UGT8: variants seen among roughly 807,000 people sequenced by gnomAD.
The protein encoded by UGT8 is 2-hydroxyacylsphingosine 1-beta-galactosyltransferase.
In UGT8, 12 loss-of-function variants were observed where a neutral mutation model predicts 40.5. That is an observed-to-expected ratio of 0.30 (90% CI 0.19 to 0.48). The LOEUF (loss-of-function observed/expected upper bound fraction) is 0.48, where lower values mean the gene tolerates loss of function less well. Among genes scored for constraint, UGT8 ranks in the 20% least tolerant of loss-of-function variants. The probability of loss-of-function intolerance (pLI) is 0.99; values close to 1 mark genes in which losing one functional copy is unlikely to be tolerated. For missense variants in UGT8, 513 were observed against 648.7 expected, an observed-to-expected ratio of 0.79 and a Z score of 2.27; for synonymous variants, 224 against 240.4, an observed-to-expected ratio of 0.93 and a Z score of 0.63.
chr4:114,639,001 A>G (rs938216925), intron 2 of UGT8, among the ~76,000 whole-genome samples: 3 of 152,340 alleles, frequency 2.0e-5, no homozygotes, highest in East Asian at 3.9e-4. Context: ...GGCTTATTCT[A>G]TTACTTATTG....
At chr4:114,661,192 A>T (rs1734510224) in intron 2 of UGT8, among the ~76,000 whole-genome samples, 1 of 152,136 alleles carries the variant, frequency 6.6e-6, no homozygotes, top group Non-Finnish European at 1.5e-5. Context: ...AAAATTTGGT[A>T]TTTGACCAGG....
intron 2 of UGT8, among the ~76,000 whole-genome samples, chr4:114,643,067 T>A (rs1240950203): frequency 3.3e-5 from 5 of 152,166 alleles, no homozygotes; most frequent in Non-Finnish European, 7.4e-5. Flanking sequence ...TTTTAGTTTG[T>A]ATAATTGTAG....
chr4:114,648,941 C>A (rs1733739070), intron 2 of UGT8, among the ~76,000 whole-genome samples: 1 of 152,128 alleles, frequency 6.6e-6, no homozygotes, highest in African/African-American at 2.4e-5. Context: ...GGATGGAGGG[C>A]ACTGGACTAG....
chr4:114,620,150 A>G (rs1392197287), intron 1 of UGT8, among the ~76,000 whole-genome samples: 1 of 152,152 alleles, frequency 6.6e-6, no homozygotes, highest in Non-Finnish European at 1.5e-5. Flanking sequence ...GTTCTCTATG[A>G]TCATTTTTGT....
intron 2 of UGT8, among the ~76,000 whole-genome samples, chr4:114,634,138 C>A (rs1045372133): frequency 3.3e-5 from 5 of 151,954 alleles, no homozygotes; most frequent in African/African-American, 9.7e-5. Context: ...GAGTGATGGG[C>A]GGTTCTAAAA....
chr4:114,651,830 T>G (rs1733910990), intron 2 of UGT8, among the ~76,000 whole-genome samples: 1 of 152,130 alleles, frequency 6.6e-6, no homozygotes, highest in Non-Finnish European at 1.5e-5. Flanking sequence ...CTGAAAAGAT[T>G]TACAAATGAG....
intron 2 of UGT8, among the ~76,000 whole-genome samples, chr4:114,628,899 C>T (rs994159593): frequency 2.0e-5 from 3 of 150,556 alleles, no homozygotes; most frequent in African/African-American, 4.9e-5. Context: ...TTAGATTAGC[C>T]ACTTGTGAGC....
In UGT8 at chr4:114,647,356, T is replaced by TTGTGTGTGTG. The variant is rs34575248; in HGVS notation, c.823-16611_823-16602dup. 3.5e-3 allele frequency among the ~76,000 whole-genome samples: 498 copies of TTGTGTGTGTG among 143,282 alleles called. 2 individuals are homozygous for TTGTGTGTGTG. Among genetic ancestry groups the TTGTGTGTGTG allele is most frequent in the South Asian group, 5.7e-3 (25 of 4,352 alleles). The allele number at this position is 143,282 out of a possible 152,430, so 94.0% of individuals were successfully genotyped here. On this transcript the variant is annotated intron_variant, in intron 2 of 5. Coordinates refer to ENST00000310836, the MANE Select transcript of UGT8 (RefSeq NM_001128174.3). ...AAACAATTTACATGAATTAGCTCTT[T>TTGTGTGTGTG]TGTGTGTGTGTGTGTGTGTGTGTGT...
intron 2 of UGT8, among the ~76,000 whole-genome samples, chr4:114,659,430 G>A (rs1734384233): frequency 6.6e-6 from 1 of 152,216 alleles, no homozygotes; most frequent in African/African-American, 2.4e-5. Context: ...GAGTGCCTAT[G>A]AGTGTTGCTG....
chr4:114,676,419 GA>G lies in UGT8; in HGVS notation c.*134del. 1 of 747,666 alleles carries G rather than the reference GA, an allele frequency of 1.3e-6. No individual in the cohort carries two copies. Among genetic ancestry groups the G allele is most frequent in the East Asian group, 2.7e-5 (1 of 37,526 alleles). The allele number at this position is 747,666 out of a possible 1,614,324, so 46.3% of individuals were successfully genotyped here. ...ACATGCCCTTATGAGATCTACTAAT[GA>G]AATTCTGTGGAATTAAGATGGCTGT... On this transcript the variant is annotated 3_prime_UTR_variant, in exon 6 of 6. Coordinates refer to ENST00000310836, the MANE Select transcript of UGT8 (RefSeq NM_001128174.3).
chr4:114,646,067 T>G (rs949520492), intron 2 of UGT8, among the ~76,000 whole-genome samples: 2 of 152,200 alleles, frequency 1.3e-5, no homozygotes, highest in Non-Finnish European at 2.9e-5. Context: ...ATCTATTTAT[T>G]GATCTTTCAA....
chr4:114,607,231 G>A (rs1730788736), intron 1 of UGT8, among the ~76,000 whole-genome samples: 1 of 152,158 alleles, frequency 6.6e-6, no homozygotes, highest in South Asian at 2.1e-4. Context: ...AATCCAGTCT[G>A]GGGAATTTGA....
intron 1 of UGT8, among the ~76,000 whole-genome samples, chr4:114,606,182 A>T (rs1010292096): frequency 1.1e-4 from 17 of 152,196 alleles, no homozygotes; most frequent in Non-Finnish European, 2.5e-4. Context: ...TCTACACTTA[A>T]GTCTTAATCT....
In UGT8 at chr4:114,623,397, C is replaced by T. The variant is rs1336327132; in HGVS notation, c.517C>T (p.Pro173Ser). ...WYPAEVGAPAPLAYVPEFNSL... is the reference protein window; with the variant it reads ...WYPAEVGAPASLAYVPEFNSL... Reference sequence around the variant, plus strand: ...TCCTGCTGAAGTGGGTGCTCCTGCTCCATTAGCATACGTCCCAGAGTTTAA... The same window carrying T: ...TCCTGCTGAAGTGGGTGCTCCTGCTTCATTAGCATACGTCCCAGAGTTTAA... The change falls in exon 2 of 6, where the codon CCA becomes TCA. Residue 173 changes from proline (P) to serine (S), a missense_variant. Pro to Ser is a moderately conservative substitution (Grantham distance 74). Coordinates refer to ENST00000310836, the MANE Select transcript of UGT8 (RefSeq NM_001128174.3). The T allele has an allele frequency of 6.2e-7, 1 of 1,614,038 alleles. No homozygotes were observed. The highest frequency in any genetic ancestry group is 8.5e-7 in the Non-Finnish European group (1 of 1,180,030).
intron 2 of UGT8, among the ~76,000 whole-genome samples, chr4:114,642,772 C>G (rs1384928957): frequency 4.6e-5 from 7 of 151,988 alleles, no homozygotes; most frequent in African/African-American, 1.7e-4. Context: ...TTTAAAGGCC[C>G]TTAAGGGGAA....
Position 114,666,693 on chromosome 4 carries a change from T to A in UGT8, c.1042+937T>A, listed in dbSNP as rs114491622. Among the ~76,000 whole-genome samples the A allele has an allele frequency of 2.2e-3, 331 of 152,268 alleles. 3 individuals are homozygous for A. The highest frequency in any genetic ancestry group is 9.1e-3 in the South Asian group (44 of 4,824). On this transcript the variant is annotated intron_variant, in intron 4 of 5. Coordinates refer to ENST00000310836, the MANE Select transcript of UGT8 (RefSeq NM_001128174.3). ...CACTGTTATGTATGAACATCTAAAC[T>A]TTTATTGTGTGTGGGTTTTCCATTT...
At chr4:114,667,834 T>G (rs1207618813) in intron 4 of UGT8, 1 of 794,786 alleles carries the variant, frequency 1.3e-6, no homozygotes, top group African/African-American at 1.8e-5. Flanking sequence ...ATGCAATATT[T>G]GTGTTAAAAA....
intron 5 of UGT8, among the ~76,000 whole-genome samples, chr4:114,673,403 G>T (rs1378191359): frequency 6.6e-6 from 1 of 152,160 alleles, no homozygotes; most frequent in African/African-American, 2.4e-5. Context: ...CGGTTAGTTA[G>T]CAATCCAGCT....
chr4:114,603,306 A>C (rs1481559241), intron 1 of UGT8, among the ~76,000 whole-genome samples: 2 of 152,194 alleles, frequency 1.3e-5, no homozygotes, highest in Non-Finnish European at 2.9e-5. Context: ...GTCCTGGGCT[A>C]GATAGGCAGG....
Sources: allele counts gnomAD v4.1 joint callset (sites outside exome capture counted in the v4.1 genomes callset), GRCh38; gene constraint gnomAD v4.1.1; transcripts MANE v1.5; gene names NCBI Gene and HGNC (gene_info 2026-07-23, HGNC 2026-07-21).